PLCB4: variants seen among roughly 807,000 people sequenced by gnomAD.
The protein encoded by PLCB4 is 1-phosphatidylinositol 4,5-bisphosphate phosphodiesterase beta-4.
PLCB4 carries 77 observed loss-of-function variants against 178.8 expected under a neutral mutation model. That is an observed-to-expected ratio of 0.43 (90% CI 0.36 to 0.52). PLCB4 has a LOEUF of 0.52. Ranked by LOEUF, PLCB4 falls within the 20% of genes least tolerant of loss-of-function variation. The pLI is 0.00. For missense variants in PLCB4, 1,024 were observed against 1,453.4 expected (o/e 0.70, Z 4.80); for synonymous variants, 496 against 490.8 (o/e 1.01, Z -0.14).
intron 32 of PLCB4, among the ~76,000 whole-genome samples, chr20:9,452,664 A>T (rs752510455): frequency 7.9e-5 from 12 of 152,196 alleles, no homozygotes; most frequent in African/African-American, 2.4e-4. Context: ...TGCAGCCCCA[A>T]TTTCAATGGT....
intron 4 of PLCB4, among the ~76,000 whole-genome samples, chr20:9,314,871 A>ATTTTTTTT: frequency 6.7e-6 from 1 of 149,784 alleles, no homozygotes; most frequent in Non-Finnish European, 1.5e-5. Flanking sequence ...AGGGTAGAGG[A>ATTTTTTTT]ATTTTTTTTT....
rs115638157 is a variant in PLCB4 at position 9,140,857 on chromosome 20, A to C, written c.-79+44515A>C. ...TCTGTCTCAGGTTTTCCTTTATAGC[A>C]ATGCAAAATGGACTAACACAGAGGT... On this transcript the variant is annotated intron_variant, in intron 2 of 39. Coordinates refer to ENST00000378473, the MANE Select transcript of PLCB4 (RefSeq NM_001377142.1). 2.7e-3 allele frequency among the ~76,000 whole-genome samples: 416 copies of C among 152,190 alleles called. 3 individuals are homozygous for C. The highest frequency in any genetic ancestry group is 0.014 in the Middle Eastern group (4 of 294).
chr20:9,383,856 T>A (rs1043246896), intron 13 of PLCB4, among the ~76,000 whole-genome samples: 1 of 152,186 alleles, frequency 6.6e-6, no homozygotes, highest in South Asian at 2.1e-4. Flanking sequence ...GAAGCTGAGA[T>A]CTAGGAGCCA....
chr20:9,421,384 A>G lies in PLCB4; in HGVS notation c.2242A>G (p.Lys748Glu). ...MYGLPTDTIR[K>E]EFRTRMVMNN... ...TGGGTTGCCCACTGACACCATACGT[A>G]AGGAATTCCGAACTCGCATGGTTAT... Residue 748 changes from lysine to glutamate, a missense_variant, in exon 27 of 40, where the codon AAG (lysine) becomes GAG (glutamate). Lys to Glu is a moderately conservative substitution (Grantham distance 56). Around this residue, in one of 7 missense-constraint regions of PLCB4, gnomAD observed 227 missense variants for 374.3 expected, o/e 0.61. Coordinates refer to ENST00000378473, the MANE Select transcript of PLCB4 (RefSeq NM_001377142.1). 1 of 1,613,782 alleles carries G rather than the reference A, an allele frequency of 6.2e-7. No homozygotes were observed. The highest frequency in any genetic ancestry group is 8.5e-7 in the Non-Finnish European group (1 of 1,179,680).
At chr20:9,452,473 C>T (rs1274673448) in intron 32 of PLCB4, among the ~76,000 whole-genome samples, 2 of 152,150 alleles carry the variant, frequency 1.3e-5, no homozygotes, top group Non-Finnish European at 2.9e-5. Context: ...TAAGGTTAGG[C>T]TATAACATCA....
rs554222370 is a variant in PLCB4, at chr20:9,137,710, C to T, written c.-79+41368C>T. On this transcript the variant is annotated intron_variant, in intron 2 of 39. Coordinates refer to ENST00000378473, the MANE Select transcript of PLCB4 (RefSeq NM_001377142.1). The stretch of plus-strand genomic sequence containing the variant: ...TTTCCCCTTAATTCCTTATGTTTCT[C>T]ATCCCTTTAATGGGTTATAATTTAT... 8.5e-4 allele frequency among the ~76,000 whole-genome samples: 128 copies of T among 150,600 alleles called. 2 individuals carry two copies. The highest frequency in any genetic ancestry group is 3.0e-3 in the African/African-American group (122 of 41,028).
chr20:9,086,524 T>A (rs1025587673), intron 1 of PLCB4, among the ~76,000 whole-genome samples: 1 of 152,152 alleles, frequency 6.6e-6, no homozygotes, highest in African/African-American at 2.4e-5. Flanking sequence ...AGTATCCTCA[T>A]TCTACAGAAA....
At chr20:9,430,366 T>G (rs2041311566) in intron 28 of PLCB4, among the ~76,000 whole-genome samples, 1 of 152,264 alleles carries the variant, frequency 6.6e-6, no homozygotes, top group Non-Finnish European at 1.5e-5. Flanking sequence ...CAAACCTTAC[T>G]TTACACTTTT....
Position 9,089,925 on chromosome 20 carries a change from A to T in PLCB4, c.-134-6362A>T, listed in dbSNP as rs181443371. Among the ~76,000 whole-genome samples, 77 of 152,238 alleles carry T rather than the reference A, an allele frequency of 5.1e-4. No homozygotes were observed. The East Asian group carries it at 0.013, about 25-fold the overall frequency. Reference sequence around the variant, plus strand: ...GATGGTGGGGTTAAATGCAAGGGAGATGCTTTTGTCCTACTTTTCAAGGTA... The same window carrying T: ...GATGGTGGGGTTAAATGCAAGGGAGTTGCTTTTGTCCTACTTTTCAAGGTA... On this transcript the variant is annotated intron_variant, in intron 1 of 39. Coordinates refer to ENST00000378473, the MANE Select transcript of PLCB4 (RefSeq NM_001377142.1).
intron 9 of PLCB4, 174 bp from the exon 10 acceptor site, chr20:9,371,040 G>A: frequency 1.7e-6 from 1 of 580,096 alleles, no homozygotes; most frequent in South Asian, 2.2e-5. Context: ...GGGAACCAGA[G>A]GGACACTGGA....
chr20:9,113,430 T>C (rs945412172), intron 2 of PLCB4, among the ~76,000 whole-genome samples: 28 of 152,182 alleles, frequency 1.8e-4, no homozygotes, highest in African/African-American at 6.3e-4. Flanking sequence ...ATTCTAAGGT[T>C]GCTTGTTGTC....
chr20:9,231,604 G>A (rs1449282867), intron 3 of PLCB4, among the ~76,000 whole-genome samples: 1 of 152,082 alleles, frequency 6.6e-6, no homozygotes, highest in Non-Finnish European at 1.5e-5. Flanking sequence ...CTATGGAGAT[G>A]GGGAAGAACA....
At chr20:9,239,624 T>G (rs943001994) in intron 3 of PLCB4, among the ~76,000 whole-genome samples, 1 of 152,130 alleles carries the variant, frequency 6.6e-6, no homozygotes, top group Non-Finnish European at 1.5e-5. Flanking sequence ...TAGTCAGGGT[T>G]CTCTAGAGGG....
At chr20:9,271,732 G>A (rs1461307469) in intron 3 of PLCB4, among the ~76,000 whole-genome samples, 1 of 152,090 alleles carries the variant, frequency 6.6e-6, no homozygotes, top group East Asian at 1.9e-4. Context: ...TCCAAGAAGG[G>A]TTTCCAAAAT....
At position 9,203,056 on chromosome 20, in the gene PLCB4, AATAT is replaced by A. The variant is rs55690764; in HGVS notation, c.-78-14313_-78-14310del. ...TGTCTTTGGTAAAAAAAAAAAAAAAAATATATATATATATATATATATATGACAA... is the reference window on the plus strand; with the variant it reads ...TGTCTTTGGTAAAAAAAAAAAAAAAAATATATATATATATATATATGACAA... On this transcript the variant is annotated intron_variant, in intron 2 of 39. Transcript: ENST00000378473. 7.2e-4 allele frequency among the ~76,000 whole-genome samples: 91 copies of A among 126,142 alleles called. 1 individual carries two copies. Among genetic ancestry groups the A allele is most frequent in the East Asian group, 2.4e-3 (11 of 4,624 alleles). The allele number at this position is 126,142 out of a possible 152,430, so 82.8% of individuals were successfully genotyped here.
intron 3 of PLCB4, among the ~76,000 whole-genome samples, chr20:9,243,262 G>A (rs1472463208): frequency 6.6e-6 from 1 of 152,202 alleles, no homozygotes; most frequent in Non-Finnish European, 1.5e-5. Flanking sequence ...GATGAACCCA[G>A]AGAGTACAGC....
chr20:9,418,792 C>A (rs2040428614), intron 25 of PLCB4, among the ~76,000 whole-genome samples: 1 of 152,134 alleles, frequency 6.6e-6, no homozygotes, highest in African/African-American at 2.4e-5. Context: ...GTCTTCCAAC[C>A]CATGAAGGCA....
At position 9,238,217 on chromosome 20, in the gene PLCB4, C is replaced by A. The variant is rs1047309893; in HGVS notation, c.-16+20765C>A. ...AACTAGGTGCCTATGGATATAGTGC[C>A]AGCATATACTGTTTTAACATTGAAC... On this transcript the variant is annotated intron_variant, in intron 3 of 39. Transcript: ENST00000378473. 3.9e-5 allele frequency among the ~76,000 whole-genome samples: 6 copies of A among 152,144 alleles called. No homozygotes were observed. The East Asian group carries it at 1.2e-3, about 29-fold the overall frequency.
At chr20:9,209,693 C>A (rs1292449075) in intron 2 of PLCB4, among the ~76,000 whole-genome samples, 4 of 152,056 alleles carry the variant, frequency 2.6e-5, no homozygotes, top group Non-Finnish European at 4.4e-5. Flanking sequence ...TTTCTCTGAG[C>A]CTCCAGAAAG....
Sources: gnomAD v4.1 joint callset for allele counts (sites outside exome capture counted in the v4.1 genomes callset) on GRCh38, gnomAD v4.1.1 for gene constraint, gnomAD v4.1.1 regional missense constraint, MANE v1.5 for transcripts, NCBI Gene and HGNC (gene_info 2026-07-23, HGNC 2026-07-21) for gene names.